ATF1: variants seen among roughly 807,000 people sequenced by gnomAD.
ATF1 encodes activating transcription factor 1.
A neutral mutation model predicts 34.7 loss-of-function variants in ATF1; 16 were observed. The observed-to-expected ratio is 0.46, with a 90% CI of 0.31 to 0.70. The LOEUF (loss-of-function observed/expected upper bound fraction) is 0.70. Among genes scored for constraint, ATF1 ranks in the 30% least tolerant of loss-of-function variants. The pLI is 0.05. For missense variants in ATF1, 255 were observed against 321.6 expected (o/e 0.79, Z 1.58); for synonymous variants, 105 against 113.1 (o/e 0.93, Z 0.46).
chr12:50,798,558 C>T (rs890446678), intron 3 of ATF1, among the ~76,000 whole-genome samples: 2 of 152,104 alleles, frequency 1.3e-5, no homozygotes, highest in African/African-American at 4.8e-5. Flanking sequence ...ATCTGCCCAC[C>T]TTGGCCTCCC....
intron 3 of ATF1, chr12:50,806,371 CA>C: frequency 2.0e-6 from 1 of 507,334 alleles, no homozygotes; most frequent in Non-Finnish European, 4.0e-6. Flanking sequence ...CTTGTAGACA[CA>C]AAATGCCATA....
In ATF1 at chr12:50,814,174, A is replaced by G. The variant is rs1243367912; in HGVS notation, c.493A>G (p.Asn165Asp). 1 of 1,613,996 alleles carries G rather than the reference A, an allele frequency of 6.2e-7. No homozygotes were observed. Among genetic ancestry groups the G allele is most frequent in the African/African-American group, 1.3e-5 (1 of 74,936 alleles). The change falls in exon 5 of 7, where the codon AAT becomes GAT. Residue 165 changes from asparagine to aspartate, a missense_variant. By Grantham distance (23) the Asn-to-Asp change is conservative (BLOSUM62 1). This residue lies in a region of ATF1 where 221 missense variants were observed against 250.7 expected (regional missense o/e 0.88). Coordinates refer to ENST00000262053, the MANE Select transcript of ATF1 (RefSeq NM_005171.5). ...TGGACAGCAGATACTTGTGCCCAGCAATCAGGTGGTCGTACAAAGTAAGTA... is the reference window on the plus strand; with the variant it reads ...TGGACAGCAGATACTTGTGCCCAGCGATCAGGTGGTCGTACAAAGTAAGTA... ...SDGQQILVPS[N>D]QVVVQTASGD...
At chr12:50,785,278 TATACATAC>T (rs1368960504) in intron 2 of ATF1, among the ~76,000 whole-genome samples, 4 of 115,104 alleles carry the variant, frequency 3.5e-5, no homozygotes, top group African/African-American at 1.1e-4. Flanking sequence ...AAATTATATA[TATACATAC>T]ACACACACAC....
intron 6 of ATF1, among the ~76,000 whole-genome samples, chr12:50,815,552 AT>A (rs34472221): frequency 1.3e-3 from 189 of 144,200 alleles, no homozygotes; most frequent in Middle Eastern, 3.5e-3. Context: ...CACCCAGCTA[AT>A]TTTTTTTTTT....
At chr12:50,777,359 T>G (rs1015109937) in intron 1 of ATF1, among the ~76,000 whole-genome samples, 1 of 152,090 alleles carries the variant, frequency 6.6e-6, no homozygotes, top group South Asian at 2.1e-4. Flanking sequence ...GTATTTTCCA[T>G]GTAAGAAGAA....
At chr12:50,776,969 T>C (rs1940941048) in intron 1 of ATF1, among the ~76,000 whole-genome samples, 1 of 152,056 alleles carries the variant, frequency 6.6e-6, no homozygotes, top group African/African-American at 2.4e-5. Flanking sequence ...TTCAAGCGAT[T>C]CTCCTGCTGA....
rs528278395 is a variant in ATF1, at chr12:50,811,746, G to A, written c.328+2157G>A. Among the ~76,000 whole-genome samples the A allele has an allele frequency of 2.0e-5, 3 of 151,800 alleles. 1 individual carries two copies. The highest frequency in any genetic ancestry group is 4.8e-5 in the African/African-American group (2 of 41,406). On this transcript the variant is annotated intron_variant, in intron 4 of 6. Coordinates refer to ENST00000262053, the MANE Select transcript of ATF1 (RefSeq NM_005171.5). ...TTCGAAGTTACCGTGAACCGTGATCGTACCACCGCACTCCAGCCTGGGCAA... is the reference window on the plus strand; with the variant it reads ...TTCGAAGTTACCGTGAACCGTGATCATACCACCGCACTCCAGCCTGGGCAA...
chr12:50,784,804 A>G (rs1373543143), intron 2 of ATF1, among the ~76,000 whole-genome samples: 1 of 152,026 alleles, frequency 6.6e-6, no homozygotes, highest in African/African-American at 2.4e-5. Context: ...TGATGAGACA[A>G]AGTTAGATTC....
chr12:50,765,357 A>G (rs12424860), intron 1 of ATF1, among the ~76,000 whole-genome samples: 35,855 of 152,118 alleles, frequency 0.24, 4,979 homozygotes, highest in East Asian at 0.4. Context: ...CTGTTGCCCT[A>G]AAGTCGAATG....
At chr12:50,782,456 C>T (rs7307425) in intron 2 of ATF1, among the ~76,000 whole-genome samples, 193 of 151,318 alleles carry the variant, frequency 1.3e-3, no homozygotes, top group African/African-American at 4.4e-3. Flanking sequence ...AGGGTTTCAT[C>T]GTGTTAGCCA....
At chr12:50,778,133 C>T (rs750106466) in intron 1 of ATF1, among the ~76,000 whole-genome samples, 2 of 151,600 alleles carry the variant, frequency 1.3e-5, no homozygotes, top group Non-Finnish European at 2.9e-5. Flanking sequence ...CAGGTCTGGT[C>T]TCAAACTCCT....
chr12:50,801,732 A>C (rs943791818), intron 3 of ATF1, among the ~76,000 whole-genome samples: 13 of 152,332 alleles, frequency 8.5e-5, no homozygotes, highest in Non-Finnish European at 1.2e-4. Flanking sequence ...TGATCATCGC[A>C]AGACACAGAA....
At chr12:50,776,264 C>T (rs1272643090) in intron 1 of ATF1, among the ~76,000 whole-genome samples, 3 of 141,038 alleles carry the variant, frequency 2.1e-5, no homozygotes, top group South Asian at 2.2e-4. Flanking sequence ...TGCAGTGAGC[C>T]GAGATCGTCC....
chr12:50,780,652 TAA>T (rs112410474), intron 2 of ATF1, among the ~76,000 whole-genome samples: 240 of 139,668 alleles, frequency 1.7e-3, no homozygotes, highest in African/African-American at 4.3e-3. Flanking sequence ...GCATTAATGT[TAA>T]AAAAAAAAAA....
chr12:50,789,465 A>T (rs560271263), intron 2 of ATF1, among the ~76,000 whole-genome samples: 1 of 152,154 alleles, frequency 6.6e-6, no homozygotes, highest in South Asian at 2.1e-4. Context: ...GTGGACAGAG[A>T]AGTAGTATGA....
rs755854837 is a variant in ATF1, at chr12:50,795,994, G to A, written c.179G>A (p.Arg60Gln). ...CAGAAAGCCCACGGGATCCTAGCACGGCGCCCATCTTACAGGTGAGTACTC... is the reference window on the plus strand; with the variant it reads ...CAGAAAGCCCACGGGATCCTAGCACAGCGCCCATCTTACAGGTGAGTACTC... ...SSQKAHGILA[R>Q]RPSYRKILKD... Residue 60 changes from arginine to glutamine, a missense_variant, in exon 3 of 7, where the codon CGG becomes CAG. Physicochemically the swap from Arg to Gln is conservative, Grantham distance 43 (BLOSUM62 1). Around this residue, in one of 2 missense-constraint regions of ATF1, gnomAD observed 221 missense variants for 250.7 expected, o/e 0.88. Transcript: ENST00000262053. 3.1e-6 allele frequency: 5 copies of A among 1,611,764 alleles called. No homozygotes were observed. Among genetic ancestry groups the A allele is most frequent in the South Asian group, 1.1e-5 (1 of 90,906 alleles).
At chr12:50,771,379 G>A (rs767059902) in intron 1 of ATF1, among the ~76,000 whole-genome samples, 10 of 152,072 alleles carry the variant, frequency 6.6e-5, no homozygotes, top group Non-Finnish European at 1.2e-4. Context: ...CTTACTGAAC[G>A]TTTTCTTACT....
chr12:50,797,934 T>C (rs1199911719), intron 3 of ATF1, among the ~76,000 whole-genome samples: 1 of 152,022 alleles, frequency 6.6e-6, no homozygotes, highest in Non-Finnish European at 1.5e-5. Flanking sequence ...TCCCAGCACT[T>C]TGGGAGGCCG....
At position 50,806,152 on chromosome 12, in the gene ATF1, G is replaced by GAAA. The variant is rs112814512; in HGVS notation, c.195-3292_195-3290dup. Among the ~76,000 whole-genome samples, 248 of 106,864 alleles carry GAAA rather than the reference G, an allele frequency of 2.3e-3. 3 individuals carry two copies. Among genetic ancestry groups the GAAA allele is most frequent in the African/African-American group, 7.2e-3 (215 of 29,856 alleles). 70.1% of individuals were successfully genotyped at this position (106,864 alleles called of 152,430 possible). ...GCAACAAAAGCGAAACTGTCTCAAAGAAAAAAAAAAAAAAGAAAAAAATAA... is the reference window on the plus strand; with the variant it reads ...GCAACAAAAGCGAAACTGTCTCAAAGAAAAAAAAAAAAAAAAAGAAAAAAATAA... On this transcript the variant is annotated intron_variant, in intron 3 of 6. Transcript: ENST00000262053.
Sources: gnomAD v4.1 joint callset for allele counts (sites outside exome capture counted in the v4.1 genomes callset) on GRCh38, gnomAD v4.1.1 for gene constraint, gnomAD v4.1.1 regional missense constraint, MANE v1.5 for transcripts, NCBI Gene and HGNC (gene_info 2026-07-23, HGNC 2026-07-21) for gene names.